UBR4: variants seen among roughly 807,000 people sequenced by gnomAD.
The protein encoded by UBR4 is ubiquitin protein ligase E3 component n-recognin 4.
In UBR4, 124 loss-of-function variants were observed where a neutral mutation model predicts 575.6. That is an observed-to-expected ratio of 0.22 (90% CI 0.19 to 0.25). The LOEUF (loss-of-function observed/expected upper bound fraction) is 0.25, where lower values mean the gene tolerates loss of function less well. Ranked by LOEUF, UBR4 falls within the 10% of genes least tolerant of loss-of-function variation. The probability of loss-of-function intolerance (pLI) is 1.00; values close to 1 mark genes in which losing one functional copy is unlikely to be tolerated. For missense variants in UBR4, 4,818 were observed against 6,478.8 expected, an observed-to-expected ratio of 0.74 and a Z score of 8.80; for synonymous variants, 2,455 against 2,473.7, an observed-to-expected ratio of 0.99 and a Z score of 0.22.
In UBR4 at chr1:19,186,527, G is replaced by A; in HGVS notation, c.1750+13C>T. On this transcript the variant is annotated intron_variant, in intron 14 of 105. Coordinates refer to ENST00000375254, the MANE Select transcript of UBR4 (RefSeq NM_020765.3). ...TAGCTTATCTCTGGGAGAGAGAAAA[G>A]AGCGGCCTCTACCTTGGCTGCTGTC... 1 of 1,609,222 alleles carries A rather than the reference G, an allele frequency of 6.2e-7. No individual in the cohort carries two copies. The highest frequency in any genetic ancestry group is 8.5e-7 in the Non-Finnish European group (1 of 1,175,894).
intron 17 of UBR4, among the ~76,000 whole-genome samples, chr1:19,181,863 A>G (rs1392658330): frequency 6.6e-6 from 1 of 152,196 alleles, no homozygotes; most frequent in Non-Finnish European, 1.5e-5. Flanking sequence ...GGCATTAAGC[A>G]CATACACATT....
Position 19,074,911 on chromosome 1 carries a change from G to A in UBR4, c.15488-15C>T, listed in dbSNP as rs2281748. 0.41 allele frequency: 654,144 copies of A among 1,611,468 alleles called. 136,225 individuals carry two copies. The highest frequency in any genetic ancestry group is 0.6 in the East Asian group (26,790 of 44,784). On this transcript the variant is annotated splice_polypyrimidine_tract_variant and intron_variant, in intron 105 of 105. Coordinates refer to ENST00000375254, the MANE Select transcript of UBR4 (RefSeq NM_020765.3). Reference sequence around the variant, plus strand: ...TGATAAAAGACCTGCAAAGCACAACGGGCAGAGGTGTGTCAGGAGCAGGCA... The same window carrying A: ...TGATAAAAGACCTGCAAAGCACAACAGGCAGAGGTGTGTCAGGAGCAGGCA...
In UBR4 at chr1:19,081,628, G is replaced by A. The variant is rs765186611; in HGVS notation, c.15009-55C>T. On this transcript the variant is annotated intron_variant, in intron 102 of 105. Transcript: ENST00000375254. ...AGCAGGGTGGAAGCAGGACCCGGCAGCAAGAGCAGGAAGAATTTGCTCAAT... is the reference window on the plus strand; with the variant it reads ...AGCAGGGTGGAAGCAGGACCCGGCAACAAGAGCAGGAAGAATTTGCTCAAT... 79 of 1,589,292 alleles carry A rather than the reference G, an allele frequency of 5.0e-5. 1 individual carries two copies. In the Middle Eastern group the frequency reaches 1.0e-3, roughly 20 times the overall value.
intron 60 of UBR4, among the ~76,000 whole-genome samples, chr1:19,131,269 AT>A (rs371556677): frequency 7.8e-5 from 10 of 127,460 alleles, no homozygotes; most frequent in Admixed American, 1.6e-4. Context: ...AAAAAAAAAA[AT>A]AAACACAGCA....
intron 11 of UBR4, among the ~76,000 whole-genome samples, chr1:19,189,081 A>G (rs770169124): frequency 2.1e-4 from 32 of 152,362 alleles, no homozygotes; most frequent in Middle Eastern, 3.4e-3. Flanking sequence ...TAAATAGGTG[A>G]AAGGAAATAC....
chr1:19,163,653 G>T, intron 34 of UBR4, 111 bp downstream of exon 34: 2 of 1,161,170 alleles, frequency 1.7e-6, no homozygotes, highest in Non-Finnish European at 2.6e-6. Context: ...CCTTATCCTT[G>T]GTAGGCTAGC....
chr1:19,088,738 G>A lies in UBR4; in HGVS notation c.14430+21C>T. ...TCAACAGTGTGGGCAGAAATATGGG[G>A]ACTCTAGGTGGTAGCTTTACCGTCA... On this transcript the variant is annotated intron_variant, in intron 98 of 105. Coordinates refer to ENST00000375254, the MANE Select transcript of UBR4 (RefSeq NM_020765.3). This position sits in a 1 kb window ranked among gnomAD's most constrained non-coding sequence, Gnocchi z 4.0. The A allele has an allele frequency of 6.2e-7, 1 of 1,611,356 alleles. No homozygotes were observed. Among genetic ancestry groups the A allele is most frequent in the Non-Finnish European group, 8.5e-7 (1 of 1,179,098 alleles).
At chr1:19,185,010 C>G in intron 15 of UBR4, 89 bp downstream of exon 15, 1 of 1,513,038 alleles carries the variant, frequency 6.6e-7, no homozygotes, top group Non-Finnish European at 9.1e-7. Flanking sequence ...GTTATCCAAG[C>G]CACAAAATGT....
At chr1:19,091,728 CT>C (rs1175992696) in intron 97 of UBR4, among the ~76,000 whole-genome samples, 1 of 152,170 alleles carries the variant, frequency 6.6e-6, no homozygotes, top group Non-Finnish European at 1.5e-5. Flanking sequence ...ATGTAAAATG[CT>C]GTAGCTACTC....
intron 19 of UBR4, among the ~76,000 whole-genome samples, chr1:19,177,090 A>G (rs1234483777): frequency 1.3e-5 from 2 of 152,226 alleles, no homozygotes; most frequent in African/African-American, 2.4e-5. Flanking sequence ...GATCCTTACA[A>G]CAAAGGAATT....
At chr1:19,192,902 C>G (rs1277993354) in intron 9 of UBR4, among the ~76,000 whole-genome samples, 1 of 152,082 alleles carries the variant, frequency 6.6e-6, no homozygotes, top group South Asian at 2.1e-4. Flanking sequence ...CCTGCCTCAG[C>G]CTCCAGAGTA....
At chr1:19,126,684 G>A (rs780968416) in intron 63 of UBR4, 29 bp from the exon 64 acceptor site, 5 of 1,605,450 alleles carry the variant, frequency 3.1e-6, no homozygotes, top group Non-Finnish European at 4.3e-6. Context: ...ACAGAGATGG[G>A]AAGAATGGCT....
Position 19,192,298 on chromosome 1 carries a change from C to A in UBR4, c.1284G>T (p.Ala428=), listed in dbSNP as rs1267485497. ...LFLILNLSPT[A]LADKGKEKDP... ...CCTTCTCTTTCCCCTTATCAGCCAA[C>A]GCAGTAGGACTGAGGTTCAGTATGA... is the stretch of plus-strand genomic sequence containing the variant. The change falls in exon 11 of 106, where the codon GCG becomes GCT. Residue 428 remains alanine, a synonymous_variant. Transcript: ENST00000375254. 6.2e-7 allele frequency: 1 copy of A among 1,614,112 alleles called. No homozygotes were observed. The highest frequency in any genetic ancestry group is 8.5e-7 in the Non-Finnish European group (1 of 1,180,020).
chr1:19,157,833 G>A lies in UBR4; in HGVS notation c.5742C>T (p.Val1914=). The change falls in exon 40 of 106, where the codon GTC becomes GTT. Residue 1914 remains valine, a synonymous_variant. Coordinates refer to ENST00000375254, the MANE Select transcript of UBR4 (RefSeq NM_020765.3). The surrounding 1 kb of genome is among the most constrained non-coding windows in gnomAD (Gnocchi z 4.4). The part of the protein sequence containing the change: ...SPHGRRQHLA[V]SHEKGKITVL... ...GACCCACCTTGCCCTTCTCATGGCT[G>A]ACAGCCAAATGTTGGCGGCGCCCAT... is the stretch of plus-strand genomic sequence containing the variant. 6.2e-7 allele frequency: 1 copy of A among 1,614,160 alleles called. No individual in the cohort carries two copies. The highest frequency in any genetic ancestry group is 8.5e-7 in the Non-Finnish European group (1 of 1,179,972).
At chr1:19,105,904 C>T in intron 83 of UBR4, 62 bp from the exon 84 acceptor site, 1 of 1,302,434 alleles carries the variant, frequency 7.7e-7, no homozygotes, top group Non-Finnish European at 1.0e-6. Flanking sequence ...ACCAGGCCCC[C>T]AGCAGGGCAG....
chr1:19,177,972 T>C (rs905645421), intron 18 of UBR4, among the ~76,000 whole-genome samples: 5 of 152,144 alleles, frequency 3.3e-5, no homozygotes, highest in African/African-American at 9.7e-5. Context: ...CCTAACACTT[T>C]GGGAGGTCGA....
intron 90 of UBR4, 24 bp downstream of exon 90, chr1:19,099,573 C>T: frequency 6.2e-7 from 1 of 1,608,100 alleles, no homozygotes; most frequent in Admixed American, 1.7e-5. Flanking sequence ...AACCACACCT[C>T]CAAACGAGAA....
At chr1:19,165,524 C>A (rs948015533) in intron 30 of UBR4, 132 bp downstream of exon 30, 2 of 1,092,552 alleles carry the variant, frequency 1.8e-6, no homozygotes, top group Admixed American at 2.4e-5. Flanking sequence ...CAGCAATTAA[C>A]TCCCCAAAGT....
At chr1:19,108,416 G>A (rs2079471040) in intron 81 of UBR4, among the ~76,000 whole-genome samples, 1 of 151,888 alleles carries the variant, frequency 6.6e-6, no homozygotes, top group South Asian at 2.1e-4. Flanking sequence ...GAGATCCATG[G>A]AAAGGCAGCT....
Sources: allele counts gnomAD v4.1 joint callset (sites outside exome capture counted in the v4.1 genomes callset), GRCh38; gene constraint gnomAD v4.1.1; non-coding constraint Gnocchi (gnomAD v3.1); transcripts MANE v1.5; gene names NCBI Gene and HGNC (gene_info 2026-07-23, HGNC 2026-07-21).